The following TTC34 variants were observed in gnomAD, a reference collection of about 807,000 sequenced individuals.
The protein encoded by TTC34 is tetratricopeptide repeat domain 34.
In TTC34, 44 loss-of-function variants were observed where a neutral mutation model predicts 40.7. That is an observed-to-expected ratio of 1.08 (90% CI 0.85 to 1.39). The LOEUF (loss-of-function observed/expected upper bound fraction) is 1.39. TTC34 is among the 40% of genes most tolerant of loss of function. TTC34 has a pLI of 0.00. For synonymous variants in TTC34, 422 were observed against 398.6 expected (o/e 1.06, Z -0.70); for missense variants, 884 against 838.0 (o/e 1.05, Z -0.68).
chr1:2,688,028 C>A (rs1332358145), intron 6 of TTC34, among the ~76,000 whole-genome samples: 100 of 122,764 alleles, frequency 8.1e-4, no homozygotes, highest in African/African-American at 3.1e-3. Context: ...CATCTGACTG[C>A]ATGTAACAGC....
intron 2 of TTC34, among the ~76,000 whole-genome samples, chr1:2,797,805 C>T (rs562694658): frequency 3.3e-5 from 5 of 152,092 alleles, no homozygotes; most frequent in Admixed American, 6.5e-5. Context: ...TTCCCATCCG[C>T]GCTTCCCTCC....
At chr1:2,682,059 C>A (rs1266999402) in intron 6 of TTC34, among the ~76,000 whole-genome samples, 6 of 55,824 alleles carry the variant, frequency 1.1e-4, no homozygotes, top group South Asian at 6.6e-4. Flanking sequence ...TGGAGCAGCA[C>A]CCCACACCCA....
intron 6 of TTC34, among the ~76,000 whole-genome samples, chr1:2,758,146 ACC>A (rs1641567983): frequency 1.8e-4 from 10 of 55,222 alleles, no homozygotes; most frequent in African/African-American, 3.8e-4. Context: ...CTGGAGCAGC[ACC>A]CACATCCCCA....
intron 6 of TTC34, among the ~76,000 whole-genome samples, chr1:2,771,515 C>A (rs1180074938): frequency 1.3e-5 from 1 of 76,456 alleles, no homozygotes; most frequent in East Asian, 4.3e-4. Context: ...CCTGGAGTAG[C>A]ACGCACACCC....
chr1:2,653,403 C>T (rs1335898596), intron 6 of TTC34, among the ~76,000 whole-genome samples: 5 of 128,812 alleles, frequency 3.9e-5, no homozygotes, highest in South Asian at 2.5e-4. Flanking sequence ...TAACAGCACC[C>T]ACACCCCCAG....
chr1:2,759,537 C>T (rs1254006420), intron 6 of TTC34, among the ~76,000 whole-genome samples: 2,224 of 12,342 alleles, frequency 0.18, 2 homozygotes, highest in Middle Eastern at 0.28. Flanking sequence ...GAGCATCTGA[C>T]AGCCTGGAAC....
chr1:2,751,282 C>A (rs1360623399), intron 6 of TTC34, among the ~76,000 whole-genome samples: 1 of 107,842 alleles, frequency 9.3e-6, no homozygotes, highest in Non-Finnish European at 1.9e-5. Flanking sequence ...GAACAGCACC[C>A]ACACACCCAG....
chr1:2,758,393 T>C (rs1322202000), intron 6 of TTC34, among the ~76,000 whole-genome samples: 1 of 53,264 alleles, frequency 1.9e-5, no homozygotes, highest in Non-Finnish European at 3.1e-5. Flanking sequence ...ACAGCACCCA[T>C]ACGCCCAGAT....
chr1:2,799,002 CCAGCCTCT>C (rs1350103140), intron 2 of TTC34, among the ~76,000 whole-genome samples: 2 of 147,668 alleles, frequency 1.4e-5, no homozygotes, highest in Non-Finnish European at 3.0e-5. Context: ...TCCCAGCCTC[CCAGCCTCT>C]CAGCCTCCAA....
intron 6 of TTC34, among the ~76,000 whole-genome samples, chr1:2,683,924 G>C (rs577876109): frequency 1.4e-5 from 2 of 145,946 alleles, no homozygotes; most frequent in African/African-American, 2.6e-5. Context: ...CTCCAGGTGA[G>C]CATCTGATGG....
At chr1:2,683,224 C>G (rs1197333318) in intron 6 of TTC34, among the ~76,000 whole-genome samples, 1 of 146,340 alleles carries the variant, frequency 6.8e-6, no homozygotes, top group African/African-American at 2.5e-5. Context: ...TGGGTCGGCA[C>G]CCACACCCCC....
chr1:2,687,466 G>T (rs1478500026), intron 6 of TTC34, among the ~76,000 whole-genome samples: 42 of 143,964 alleles, frequency 2.9e-4, no homozygotes, highest in Admixed American at 8.3e-4. Flanking sequence ...GCATCCGACA[G>T]CCTGGAACAG....
At chr1:2,657,746 GGTGAGCATCTGACGGCCTGGAACAGCACC>G in intron 6 of TTC34, among the ~76,000 whole-genome samples, 1 of 46,826 alleles carries the variant, frequency 2.1e-5, no homozygotes. Context: ...CACACCCTCA[GGTGAGCATCTGACGGCCTGGAACAGCACC>G]CACACCCCCA....
intron 6 of TTC34, among the ~76,000 whole-genome samples, chr1:2,683,416 G>C (rs1457489764): frequency 7.9e-6 from 1 of 126,750 alleles, no homozygotes; most frequent in African/African-American, 3.2e-5. Context: ...CCGATAGCCT[G>C]GAACACCACC....
chr1:2,683,864 GAACC>G (rs1640196361), intron 6 of TTC34, among the ~76,000 whole-genome samples: 1 of 150,602 alleles, frequency 6.6e-6, no homozygotes, highest in African/African-American at 2.5e-5. Context: ...GCCTGGAGCA[GAACC>G]CACACCCCGA....
At chr1:2,800,288 C>T (rs1484435808) in exon 2 of TTC34, 1 of 398,652 alleles carries the variant, frequency 2.5e-6, no homozygotes, top group East Asian at 3.6e-5. Context: ...GGTGGGGCCG[C>T]TGGTGGGTGC....
chr1:2,690,991 G>C lies in TTC34; in HGVS notation c.2227-45428C>G, dbSNP rs561689463. Among the ~76,000 whole-genome samples the C allele has an allele frequency of 2.5e-5, 2 of 79,156 alleles. 1 individual carries two copies. The allele number at this position is 79,156 out of a possible 152,430, so 51.9% of individuals were successfully genotyped here. On this transcript the variant is annotated intron_variant, in intron 6 of 8. Coordinates refer to ENST00000401095, the Ensembl canonical transcript of TTC34. ...GAACAGCACCCACACCCCTAGGAGA[G>C]CATCCGGCAGCCTGGAGCGGAACCC...
At chr1:2,779,464 C>G (rs1557685271) in intron 6 of TTC34, among the ~76,000 whole-genome samples, 2 of 152,120 alleles carry the variant, frequency 1.3e-5, no homozygotes, top group South Asian at 4.2e-4. Flanking sequence ...GCTGGGATTA[C>G]AGGCGCGTGC....
intron 6 of TTC34, among the ~76,000 whole-genome samples, chr1:2,687,112 T>A (rs61765676): frequency 3.1e-5 from 1 of 32,038 alleles, no homozygotes; most frequent in African/African-American, 1.8e-4. Context: ...CATCGTGGAG[T>A]AGCACCCCAC....
Sources: allele counts gnomAD v4.1 joint callset (sites outside exome capture counted in the v4.1 genomes callset), GRCh38; gene constraint gnomAD v4.1.1; transcripts MANE v1.5; gene names NCBI Gene and HGNC (gene_info 2026-07-23, HGNC 2026-07-21).